LRBA: variants seen among roughly 807,000 people sequenced by gnomAD.
LRBA encodes lipopolysaccharide-responsive and beige-like anchor protein.
Under a neutral mutation model 330.0 loss-of-function variants are expected in LRBA, and 176 were observed. The ratio of observed to expected loss-of-function variants is 0.53; its 90% CI spans 0.47 to 0.60. The LOEUF is 0.60. Among genes scored for constraint, LRBA ranks in the 20% least tolerant of loss-of-function variants. LRBA has a pLI of 0.00. For synonymous variants in LRBA, 1,230 were observed against 1,193.0 expected (o/e 1.03, Z -0.64); for missense variants, 3,259 against 3,444.8 (o/e 0.95, Z 1.35).
rs779876688 is a variant in LRBA at position 150,588,008 on chromosome 4, T to C, written c.6330+40A>G. The C allele has an allele frequency of 8.8e-6, 14 of 1,596,716 alleles. No individual in the cohort carries two copies. In the Admixed American group the frequency reaches 1.5e-4, roughly 18 times the overall value. On this transcript the variant is annotated intron_variant, in intron 40 of 56. Transcript: ENST00000651943. ...CAATCCTATCCAACAGCACCCACCA[T>C]CCCATCATAAGAAAAAATGAAACCC...
At chr4:150,392,005 A>G (rs1049074521) in intron 47 of LRBA, among the ~76,000 whole-genome samples, 1 of 150,542 alleles carries the variant, frequency 6.6e-6, no homozygotes, top group South Asian at 2.1e-4. Flanking sequence ...AAAACTTTAC[A>G]AAATTTTTCT....
At chr4:150,887,225 G>T (rs1200782837) in intron 17 of LRBA, among the ~76,000 whole-genome samples, 1 of 152,032 alleles carries the variant, frequency 6.6e-6, no homozygotes, top group African/African-American at 2.4e-5. Flanking sequence ...AAATATGCAA[G>T]AGATGGGTTC....
chr4:150,906,546 C>T (rs1731363241), intron 11 of LRBA, 141 bp from the exon 12 acceptor site: 1 of 540,426 alleles, frequency 1.9e-6, no homozygotes, highest in South Asian at 3.1e-5. Flanking sequence ...AAACTGCTTC[C>T]AACATTACAT....
chr4:150,615,362 C>A lies in LRBA; in HGVS notation c.5922-16231G>T, dbSNP rs368611603. ...TTTAACGTGATCACTCCAGCTCCTG[C>A]AAGAGCCTGGCTGTGAGTGGAAAGA... On this transcript the variant is annotated intron_variant, in intron 37 of 56. Coordinates refer to ENST00000651943, the MANE Select transcript of LRBA (RefSeq NM_001364905.1). Among the ~76,000 whole-genome samples the A allele has an allele frequency of 7.9e-5, 12 of 152,282 alleles. No individual in the cohort carries two copies. The East Asian group carries it at 2.3e-3, about 29-fold the overall frequency.
chr4:150,601,382 T>C (rs969825442), intron 37 of LRBA, among the ~76,000 whole-genome samples: 1 of 152,166 alleles, frequency 6.6e-6, no homozygotes, highest in Non-Finnish European at 1.5e-5. Context: ...ATTAAGCATA[T>C]GCACAATAAC....
intron 36 of LRBA, among the ~76,000 whole-genome samples, chr4:150,693,485 A>G (rs1417326537): frequency 7.6e-6 from 1 of 131,576 alleles, no homozygotes; most frequent in East Asian, 2.4e-4. Flanking sequence ...AATGGCGTGA[A>G]CCCGGGAGGC....
Position 150,908,456 on chromosome 4 carries a change from T to G in LRBA, c.1371A>C (p.Ala457=). Residue 457 remains alanine, a synonymous_variant, in exon 11 of 57, where the codon GCA becomes GCC. Coordinates refer to ENST00000651943, the MANE Select transcript of LRBA (RefSeq NM_001364905.1). ...PHALMLQDVK[A]VLTHSIQSAM... The stretch of plus-strand genomic sequence containing the variant: ...CACTTTGGATGGAATGTGTTAAAAC[T>G]GCCTTTACATCCTTGTAAGATCAAA... 2 of 1,596,920 alleles carry G rather than the reference T, an allele frequency of 1.3e-6. No individual in the cohort carries two copies. Among genetic ancestry groups the G allele is most frequent in the East Asian group, 2.2e-5 (1 of 44,740 alleles).
At position 150,839,693 on chromosome 4, in the gene LRBA, C is replaced by T. The variant is rs190617395; in HGVS notation, c.4569+4407G>A. Among the ~76,000 whole-genome samples, 3 of 152,200 alleles carry T rather than the reference C, an allele frequency of 2.0e-5. No individual in the cohort carries two copies. The East Asian group carries it at 5.8e-4, about 29-fold the overall frequency. On this transcript the variant is annotated intron_variant, in intron 28 of 56. Transcript: ENST00000651943. ...ATAGGTGGGAATTGAACAATGAGAA[C>T]ACTTGGACACAGGAAGGGGAACATC... is the stretch of plus-strand genomic sequence containing the variant.
intron 47 of LRBA, among the ~76,000 whole-genome samples, chr4:150,408,508 G>A (rs72955829): frequency 3.9e-5 from 6 of 152,186 alleles, no homozygotes; most frequent in African/African-American, 1.2e-4. Context: ...CAAAAATATA[G>A]AGGAAGAAGG....
chr4:150,980,000 A>G (rs1740660409), intron 2 of LRBA, among the ~76,000 whole-genome samples: 1 of 152,206 alleles, frequency 6.6e-6, no homozygotes, highest in Admixed American at 6.5e-5. Context: ...ACCAAAAGAG[A>G]CAAAGACATA....
At position 150,831,886 on chromosome 4, in the gene LRBA, G is replaced by T; in HGVS notation, c.4660C>A (p.Pro1554Thr). The change falls in exon 29 of 57, where the codon CCC (proline) becomes ACC (threonine). Residue 1554 changes from proline (P) to threonine (T), a missense_variant. Transcript: ENST00000651943. ...MVSKYRDILE[P>T]QNERHSQSCT... ...GACTGGCTATGCCTTTCATTTTGGGGTTCCAAAATGTCTCTGTACTTGGAG... is the reference window on the plus strand; with the variant it reads ...GACTGGCTATGCCTTTCATTTTGGGTTTCCAAAATGTCTCTGTACTTGGAG... 1.2e-6 allele frequency: 2 copies of T among 1,603,004 alleles called. No individual in the cohort carries two copies. Among genetic ancestry groups the T allele is most frequent in the East Asian group, 2.3e-5 (1 of 44,340 alleles).
chr4:150,868,152 T>A, intron 21 of LRBA, 30 bp downstream of exon 21: 1 of 1,583,052 alleles, frequency 6.3e-7, no homozygotes. Flanking sequence ...ATTTGAATAC[T>A]GCAAATAAAT....
At chr4:150,976,649 A>G (rs1043407184) in intron 2 of LRBA, among the ~76,000 whole-genome samples, 5 of 152,208 alleles carry the variant, frequency 3.3e-5, no homozygotes, top group African/African-American at 1.2e-4. Context: ...AAATTTAACA[A>G]CCATGTCCAC....
intron 16 of LRBA, among the ~76,000 whole-genome samples, chr4:150,895,809 T>A (rs1302491077): frequency 6.6e-6 from 1 of 152,228 alleles, no homozygotes; most frequent in South Asian, 2.1e-4. Flanking sequence ...AGTAATGGGA[T>A]GGCTGGGTCA....
rs924451194 is a variant in LRBA at position 150,671,000 on chromosome 4, A to G, written c.5921+12551T>C. Among the ~76,000 whole-genome samples, 54 of 106,886 alleles carry G rather than the reference A, an allele frequency of 5.1e-4. 1 individual carries two copies. Among genetic ancestry groups the G allele is most frequent in the South Asian group, 2.5e-3 (7 of 2,826 alleles). 70.1% of individuals were successfully genotyped at this position (106,886 alleles called of 152,430 possible). A position where few individuals can be genotyped will look rare whatever the true frequency, so the allele number is the denominator to read the frequency against. On this transcript the variant is annotated intron_variant, in intron 37 of 56. Transcript: ENST00000651943. Reference sequence around the variant, plus strand: ...TTCACTTTGTCCCACAACATAGCTGATGTGTGTGTGTGTGTGTGTGTGTGT... The same window carrying G: ...TTCACTTTGTCCCACAACATAGCTGGTGTGTGTGTGTGTGTGTGTGTGTGT...
intron 35 of LRBA, among the ~76,000 whole-genome samples, chr4:150,751,919 T>A (rs928994672): frequency 2.0e-5 from 3 of 151,530 alleles, no homozygotes; most frequent in African/African-American, 7.3e-5. Context: ...TCACCAAGAG[T>A]TTTCCAATAT....
chr4:150,847,144 T>C (rs1295447703), intron 26 of LRBA, among the ~76,000 whole-genome samples: 1 of 152,190 alleles, frequency 6.6e-6, no homozygotes, highest in African/African-American at 2.4e-5. Flanking sequence ...AAATTCTACC[T>C]TCACCAATTA....
intron 31 of LRBA, among the ~76,000 whole-genome samples, chr4:150,816,493 A>C (rs757697140): frequency 4.0e-5 from 6 of 151,892 alleles, no homozygotes; most frequent in Non-Finnish European, 7.4e-5. Flanking sequence ...ATATGCTTTT[A>C]TACATGGAAA....
intron 54 of LRBA, among the ~76,000 whole-genome samples, chr4:150,283,318 A>T (rs1747774733): frequency 6.6e-6 from 1 of 152,184 alleles, no homozygotes; most frequent in Admixed American, 6.5e-5. Context: ...TGGGTGGACC[A>T]CCAGGCCAAG....
Sources: allele counts gnomAD v4.1 joint callset (sites outside exome capture counted in the v4.1 genomes callset), GRCh38; gene constraint gnomAD v4.1.1; transcripts MANE v1.5; gene names NCBI Gene and HGNC (gene_info 2026-07-23, HGNC 2026-07-21).